ESR2: variants seen among roughly 807,000 people sequenced by gnomAD.
ESR2 encodes the protein estrogen receptor 2.
In ESR2, 36 loss-of-function variants were observed where a neutral mutation model predicts 49.6. The ratio of observed to expected loss-of-function variants is 0.73; its 90% CI spans 0.56 to 0.96. The LOEUF is 0.96. ESR2 is among the 40% of genes least tolerant of loss of function. ESR2 has a pLI of 0.00. For synonymous variants in ESR2, 320 were observed against 266.1 expected (o/e 1.20, Z -1.97); for missense variants, 714 against 693.0 (o/e 1.03, Z -0.34).
At chr14:64,293,488 C>T (rs945747195) in intron 1 of ESR2, among the ~76,000 whole-genome samples, 3 of 152,174 alleles carry the variant, frequency 2.0e-5, no homozygotes, top group African/African-American at 7.2e-5. Context: ...TTAATATTGT[C>T]CTTCCAATAA....
At chr14:64,233,889 C>G (rs2098729809) in intron 8 of ESR2, 2 of 152,768 alleles carry the variant, frequency 1.3e-5, no homozygotes, top group Admixed American at 1.3e-4. Flanking sequence ...CAGCACCACA[C>G]CAGGGGGGCA....
chr14:64,291,799 T>A (rs1383952985), intron 1 of ESR2, among the ~76,000 whole-genome samples: 1 of 152,224 alleles, frequency 6.6e-6, no homozygotes, highest in Non-Finnish European at 1.5e-5. Context: ...ATTTTAAATG[T>A]CTTCAATTTG....
intron 1 of ESR2, among the ~76,000 whole-genome samples, chr14:64,300,668 A>G (rs912306630): frequency 1.3e-5 from 2 of 152,108 alleles, no homozygotes; most frequent in African/African-American, 2.4e-5. Flanking sequence ...AGGCTGGAGG[A>G]TCACTTGAGC....
At chr14:64,241,638 CTT>C (rs2075730654) in intron 7 of ESR2, among the ~76,000 whole-genome samples, 2 of 152,186 alleles carry the variant, frequency 1.3e-5, no homozygotes, top group African/African-American at 2.4e-5. Context: ...GGTTTCATGT[CTT>C]TTGCAAGTTT....
At chr14:64,314,154 A>T (rs939168750) in intron 1 of ESR2, among the ~76,000 whole-genome samples, 3 of 152,134 alleles carry the variant, frequency 2.0e-5, no homozygotes, top group Non-Finnish European at 4.4e-5. Flanking sequence ...ATTTACAAGA[A>T]TTGAAATCGT....
Position 64,257,493 on chromosome 14 carries a change from A to G in ESR2, c.953-129T>C, listed in dbSNP as rs2140713133. ...CCATTAGGGAGTTGATATTTTATAG[A>G]TGTGATTAACTGCTCATTAAAGGAA... On this transcript the variant is annotated intron_variant, in intron 5 of 8. Coordinates refer to ENST00000341099, the MANE Select transcript of ESR2 (RefSeq NM_001437.3). 4 of 1,186,480 alleles carry G rather than the reference A, an allele frequency of 3.4e-6. No individual in the cohort carries two copies. In the South Asian group the frequency reaches 4.7e-5, roughly 14 times the overall value. 73.5% of individuals were successfully genotyped at this position (1,186,480 alleles called of 1,614,324 possible). A position where few individuals can be genotyped will look rare whatever the true frequency, so the allele number is the denominator to read the frequency against.
intron 1 of ESR2, among the ~76,000 whole-genome samples, chr14:64,325,700 C>T (rs1183973644): frequency 6.6e-6 from 1 of 152,128 alleles, no homozygotes; most frequent in Non-Finnish European, 1.5e-5. Flanking sequence ...CCAACCCCTC[C>T]TTTCCTTCCT....
intron 1 of ESR2, among the ~76,000 whole-genome samples, chr14:64,289,139 C>A (rs920814918): frequency 1.3e-5 from 2 of 152,186 alleles, no homozygotes; most frequent in Admixed American, 1.3e-4. Context: ...GCTGCCACAT[C>A]TTCTTCAGTA....
chr14:64,301,363 C>T (rs2077018951), intron 1 of ESR2: 1 of 152,204 alleles, frequency 6.6e-6, no homozygotes, highest in South Asian at 2.1e-4. Context: ...CCCAGAGCTC[C>T]TTACCAGGGC....
intron 6 of ESR2, among the ~76,000 whole-genome samples, chr14:64,251,976 C>G (rs1303227427): frequency 6.6e-6 from 1 of 152,022 alleles, no homozygotes; most frequent in Non-Finnish European, 1.5e-5. Flanking sequence ...TAGATTGAAA[C>G]TGAATTATGA....
rs2098726256 is a variant in ESR2 at position 64,230,623 on chromosome 14, C to T, written c.*2514G>A. Among the ~76,000 whole-genome samples the T allele has an allele frequency of 6.6e-6, 1 of 151,956 alleles. No individual in the cohort carries two copies. Among genetic ancestry groups the T allele is most frequent in the Admixed American group, 6.5e-5 (1 of 15,268 alleles). On this transcript the variant is annotated 3_prime_UTR_variant, in exon 9 of 9. Coordinates refer to ENST00000341099, the MANE Select transcript of ESR2 (RefSeq NM_001437.3). ...CTTAATTTTTTGAGAAAAATCCCTTCAAGACTATTTTAGGGTCAAGTCTTT... is the reference window on the plus strand; with the variant it reads ...CTTAATTTTTTGAGAAAAATCCCTTTAAGACTATTTTAGGGTCAAGTCTTT...
At chr14:64,280,237 T>C in intron 2 of ESR2, 84 bp from the exon 3 acceptor site, 1 of 963,810 alleles carries the variant, frequency 1.0e-6, no homozygotes, top group Non-Finnish European at 1.6e-6. Flanking sequence ...GCATGAACAT[T>C]GCCTAATTTA....
chr14:64,324,168 A>G (rs575981889), intron 1 of ESR2, among the ~76,000 whole-genome samples: 1 of 152,204 alleles, frequency 6.6e-6, no homozygotes, highest in African/African-American at 2.4e-5. Context: ...ACAACATTGT[A>G]TCAGGTTGGT....
chr14:64,294,784 A>T (rs2140854196), upstream of ESR2, among the ~76,000 whole-genome samples: 1 of 152,344 alleles, frequency 6.6e-6, no homozygotes, highest in East Asian at 1.9e-4. Context: ...TGGGTTTGTC[A>T]AATCCCCAGC....
intron 6 of ESR2, among the ~76,000 whole-genome samples, 163 bp downstream of exon 6, chr14:64,257,061 ACT>A (rs1431190846): frequency 3.9e-5 from 6 of 151,990 alleles, no homozygotes; most frequent in Non-Finnish European, 8.8e-5. Context: ...CTTGGACCCA[ACT>A]CTCTCCTTCT....
chr14:64,247,064 G>A (rs1434876347), intron 7 of ESR2, among the ~76,000 whole-genome samples: 2 of 152,076 alleles, frequency 1.3e-5, no homozygotes, highest in Non-Finnish European at 2.9e-5. Context: ...AGCAACTCTT[G>A]GACAGTATCC....
rs145015737 is a variant in ESR2 at position 64,279,691 on chromosome 14, G to C, written c.535+290C>G. On this transcript the variant is annotated intron_variant, in intron 3 of 8. Transcript: ENST00000341099. ...CCTTGTGAGCACATTTTTTCCAAGAGACATCTTCACAAGGTTGTAACTCGA... is the reference window on the plus strand; with the variant it reads ...CCTTGTGAGCACATTTTTTCCAAGACACATCTTCACAAGGTTGTAACTCGA... Among the ~76,000 whole-genome samples, 3 of 152,298 alleles carry C rather than the reference G, an allele frequency of 2.0e-5. No individual in the cohort carries two copies. The East Asian group carries it at 5.8e-4, about 29-fold the overall frequency.
At chr14:64,325,380 T>C (rs748170280) in intron 1 of ESR2, among the ~76,000 whole-genome samples, 3 of 151,730 alleles carry the variant, frequency 2.0e-5, no homozygotes, top group Non-Finnish European at 4.4e-5. Context: ...AGAAAGAAGG[T>C]AGGAAAAAGA....
chr14:64,273,668 A>C (rs1400811284), intron 3 of ESR2, among the ~76,000 whole-genome samples: 1 of 152,176 alleles, frequency 6.6e-6, no homozygotes, highest in Non-Finnish European at 1.5e-5. Flanking sequence ...TATGATGAAT[A>C]ATCTTTTTAA....
Sources: allele counts gnomAD v4.1 joint callset (sites outside exome capture counted in the v4.1 genomes callset), GRCh38; gene constraint gnomAD v4.1.1; transcripts MANE v1.5; gene names NCBI Gene and HGNC (gene_info 2026-07-23, HGNC 2026-07-21).